Variants in ENTREP2 observed in about 807,000 individuals in gnomAD.
The protein encoded by ENTREP2 is protein ENTREP2.
At chr15:29,642,461 CATAT>C in the ENTREP2 span, among the ~76,000 whole-genome samples, 2 of 147,608 alleles carry the variant, frequency 1.4e-5, no homozygotes, top group Non-Finnish European at 3.0e-5. Context: ...TACACACACA[CATAT>C]ATATACTGTA....
the ENTREP2 span, among the ~76,000 whole-genome samples, chr15:29,348,434 C>T: frequency 6.6e-6 from 1 of 152,094 alleles, no homozygotes; most frequent in Non-Finnish European, 1.5e-5. Context: ...GAACAATGTT[C>T]CCGACTCAGG....
At chr15:29,656,630 G>C in the ENTREP2 span, among the ~76,000 whole-genome samples, 1 of 152,172 alleles carries the variant, frequency 6.6e-6, no homozygotes, top group Non-Finnish European at 1.5e-5. Flanking sequence ...TGCCAGGGAA[G>C]TGCAAATTAA....
chr15:29,460,501 G>A, the ENTREP2 span, among the ~76,000 whole-genome samples: 11 of 151,830 alleles, frequency 7.2e-5, no homozygotes, highest in Admixed American at 2.0e-4. Context: ...GCACGGTGGC[G>A]CGTGCCTGTA....
At chr15:29,270,443 G>C in the ENTREP2 span, among the ~76,000 whole-genome samples, 1 of 152,188 alleles carries the variant, frequency 6.6e-6, no homozygotes, top group African/African-American at 2.4e-5. Context: ...TCAGTATTAG[G>C]TAAATGTTTT....
chr15:29,269,072 T>G, the ENTREP2 span: 1 of 1,614,066 alleles, frequency 6.2e-7, no homozygotes, highest in Admixed American at 1.7e-5. Context: ...ATTAAATGCT[T>G]CTTGGTGGGG....
chr15:29,593,661 C>T, the ENTREP2 span, among the ~76,000 whole-genome samples: 1 of 152,212 alleles, frequency 6.6e-6, no homozygotes, highest in Non-Finnish European at 1.5e-5. Context: ...TCCTTGCCTC[C>T]TCCAATCTAC....
the ENTREP2 span, among the ~76,000 whole-genome samples, chr15:29,406,581 T>G: frequency 6.6e-6 from 1 of 152,036 alleles, no homozygotes; most frequent in Admixed American, 6.5e-5. Context: ...AAAAATATAT[T>G]AAATATATGA....
chr15:29,295,498 G>A, the ENTREP2 span, among the ~76,000 whole-genome samples: 1 of 152,172 alleles, frequency 6.6e-6, no homozygotes, highest in East Asian at 1.9e-4. Flanking sequence ...GACCCCCAGT[G>A]GATACGTGAA....
the ENTREP2 span, among the ~76,000 whole-genome samples, chr15:29,400,795 C>T: frequency 6.6e-6 from 1 of 152,128 alleles, no homozygotes; most frequent in Admixed American, 6.5e-5. Context: ...GTTCTCAATC[C>T]CAGGGCCTCT....
At chr15:29,381,455 CAAAAAAAAAAAAA>C in the ENTREP2 span, among the ~76,000 whole-genome samples, 1 of 44,314 alleles carries the variant, frequency 2.3e-5, no homozygotes, top group African/African-American at 7.8e-5. Flanking sequence ...GACTCTGTCT[CAAAAAAAAAAAAA>C]AAAAAAAAAA....
At chr15:29,307,050 CA>C in the ENTREP2 span, among the ~76,000 whole-genome samples, 1 of 152,036 alleles carries the variant, frequency 6.6e-6, no homozygotes, top group African/African-American at 2.4e-5. Context: ...ACCCAGCTGG[CA>C]AATATTCTTT....
the ENTREP2 span, among the ~76,000 whole-genome samples, chr15:29,662,574 A>G: frequency 6.6e-6 from 1 of 151,542 alleles, no homozygotes; most frequent in African/African-American, 2.4e-5. Flanking sequence ...CAGACAGAAG[A>G]CTCCCTCTTC....
At chr15:29,339,372 A>AC in the ENTREP2 span, among the ~76,000 whole-genome samples, 1 of 152,244 alleles carries the variant, frequency 6.6e-6, no homozygotes, top group East Asian at 1.9e-4. Flanking sequence ...TGGAGATGGA[A>AC]CAGGTAACCA....
At chr15:29,556,647 A>C in the ENTREP2 span, among the ~76,000 whole-genome samples, 1 of 152,094 alleles carries the variant, frequency 6.6e-6, no homozygotes, top group Non-Finnish European at 1.5e-5. Context: ...TGACTCCCGC[A>C]CATTTCTGTC....
chr15:29,643,851 G>A, the ENTREP2 span, among the ~76,000 whole-genome samples: 4 of 151,626 alleles, frequency 2.6e-5, no homozygotes, highest in African/African-American at 9.7e-5. Flanking sequence ...CTACTGATGA[G>A]AATGTAAATT....
the ENTREP2 span, among the ~76,000 whole-genome samples, chr15:29,669,705 C>T: frequency 9.7e-4 from 148 of 152,210 alleles, no homozygotes; most frequent in Admixed American, 4.1e-3. Flanking sequence ...ATGCAGGGCC[C>T]GAAGGGAGGA....
the ENTREP2 span, among the ~76,000 whole-genome samples, chr15:29,271,383 G>T: frequency 2.6e-5 from 4 of 152,146 alleles, no homozygotes; most frequent in African/African-American, 9.7e-5. Flanking sequence ...TGTATTGAGG[G>T]AATAGAGAGA....
At chr15:29,254,161 CAAAAAAAAA>C in the ENTREP2 span, among the ~76,000 whole-genome samples, 6 of 61,324 alleles carry the variant, frequency 9.8e-5, no homozygotes, top group African/African-American at 1.9e-4. Flanking sequence ...TGTTAAAGAG[CAAAAAAAAA>C]AAAAAAAAAA....
chr15:29,557,779 C>T, the ENTREP2 span, among the ~76,000 whole-genome samples: 5 of 152,190 alleles, frequency 3.3e-5, no homozygotes, highest in South Asian at 1.0e-3. Context: ...CCCGTTCTCC[C>T]CTTCGAGCTC....
Sources: gnomAD v4.1 joint callset for allele counts (sites outside exome capture counted in the v4.1 genomes callset) on GRCh38, gnomAD v4.1.1 for gene constraint, MANE v1.5 for transcripts, NCBI Gene and HGNC (gene_info 2026-07-23, HGNC 2026-07-21) for gene names.